The following CHMP4C variants were observed in gnomAD, a reference collection of about 807,000 sequenced individuals.
The protein encoded by CHMP4C is SNF7 homolog associated with Alix 3.
A neutral mutation model predicts 29.0 loss-of-function variants in CHMP4C; 28 were observed. The observed-to-expected ratio is 0.97, with a 90% CI of 0.72 to 1.32. CHMP4C has a LOEUF of 1.32. Ranked by LOEUF, CHMP4C falls within the 40% of genes most tolerant of loss-of-function variation. The pLI is 0.00. For missense variants in CHMP4C, 291 were observed against 281.0 expected (o/e 1.04, Z -0.25); for synonymous variants, 106 against 102.4 (o/e 1.04, Z -0.21).
intron 2 of CHMP4C, 81 bp downstream of exon 2, chr8:81,753,322 C>A: frequency 2.8e-6 from 3 of 1,084,278 alleles, no homozygotes; most frequent in Non-Finnish European, 3.8e-6. Flanking sequence ...ATGGTTTTGG[C>A]AGGAATGGGT....
chr8:81,732,816 G>T lies in CHMP4C; in HGVS notation c.190G>T (p.Ala64Ser), dbSNP rs1370485600. ...GAAGCACGGCACGCAGAATAAGCGAGGTAGGCTGGGGTCTGGCCCACAGGC... is the reference window on the plus strand; with the variant it reads ...GAAGCACGGCACGCAGAATAAGCGATGTAGGCTGGGGTCTGGCCCACAGGC... Reference protein sequence around the residue: ...AKKHGTQNKRAALQALKRKKR... With the variant: ...AKKHGTQNKRSALQALKRKKR... The change falls in exon 1 of 5, where the codon GCT becomes TCT. Residue 64 changes from alanine (A) to serine (S), a missense_variant and splice_region_variant. Physicochemically the swap from Ala to Ser is moderately conservative, Grantham distance 99. Transcript: ENST00000297265. 6.2e-7 allele frequency: 1 copy of T among 1,610,680 alleles called. No individual in the cohort carries two copies. The highest frequency in any genetic ancestry group is 1.3e-5 in the African/African-American group (1 of 75,046).
chr8:81,746,499 A>G (rs1377372269), intron 1 of CHMP4C, among the ~76,000 whole-genome samples: 1 of 152,146 alleles, frequency 6.6e-6, no homozygotes, highest in Non-Finnish European at 1.5e-5. Flanking sequence ...CCATTGCACT[A>G]GTTTTTATTT....
intron 3 of CHMP4C, 80 bp downstream of exon 3, chr8:81,755,564 C>G (rs1161380612): frequency 2.9e-6 from 2 of 696,938 alleles, no homozygotes; most frequent in Non-Finnish European, 4.9e-6. Flanking sequence ...AGGCATGTTC[C>G]CTTACTACTG....
intron 1 of CHMP4C, among the ~76,000 whole-genome samples, chr8:81,737,044 A>C (rs932127358): frequency 5.3e-5 from 8 of 152,262 alleles, no homozygotes; most frequent in African/African-American, 1.4e-4. Flanking sequence ...AGCTTGAGTT[A>C]TAATTTGGTT....
In CHMP4C at chr8:81,758,766, T is replaced by G. The variant is rs1809003678; in HGVS notation, c.*222T>G. The G allele has an allele frequency of 4.1e-6, 2 of 484,260 alleles. No homozygotes were observed. Among genetic ancestry groups the G allele is most frequent in the South Asian group, 6.0e-5 (2 of 33,226 alleles). The allele number at this position is 484,260 out of a possible 1,614,324, so 30.0% of individuals were successfully genotyped here. The stretch of plus-strand genomic sequence containing the variant: ...ATCTCATGCCTATAATCCCAGCACT[T>G]TGGGAGGCTGAGGCAGTTGAGACCA... On this transcript the variant is annotated 3_prime_UTR_variant, in exon 5 of 5. Transcript: ENST00000297265.
chr8:81,738,644 G>T (rs1358122981), intron 1 of CHMP4C, among the ~76,000 whole-genome samples: 3 of 152,174 alleles, frequency 2.0e-5, no homozygotes, highest in Non-Finnish European at 4.4e-5. Context: ...TCAGCTAGTT[G>T]AATGTCAAAC....
Position 81,737,280 on chromosome 8 carries a change from A to C in CHMP4C, c.190+4464A>C, listed in dbSNP as rs1243015352. Among the ~76,000 whole-genome samples the C allele has an allele frequency of 2.0e-5, 3 of 152,228 alleles. No homozygotes were observed. The South Asian group carries it at 6.2e-4, about 32-fold the overall frequency. On this transcript the variant is annotated intron_variant, in intron 1 of 4. Transcript: ENST00000297265. ...TAATTGACTGGAGTGGGGATCAGGC[A>C]TCTGTTTTTTTTAAAGTGCCCCCAC... is the stretch of plus-strand genomic sequence containing the variant.
At chr8:81,752,383 T>A (rs1808914225) in intron 1 of CHMP4C, among the ~76,000 whole-genome samples, 1 of 152,134 alleles carries the variant, frequency 6.6e-6, no homozygotes, top group Non-Finnish European at 1.5e-5. Flanking sequence ...GCAAGTTAGG[T>A]TATCTTGTTA....
intron 2 of CHMP4C, among the ~76,000 whole-genome samples, chr8:81,753,988 A>T (rs1808941736): frequency 6.6e-6 from 1 of 152,056 alleles, no homozygotes; most frequent in Non-Finnish European, 1.5e-5. Context: ...CTGGGACCGG[A>T]TCCTTTCCTG....
At chr8:81,750,919 C>A (rs929057977) in intron 1 of CHMP4C, among the ~76,000 whole-genome samples, 4 of 151,960 alleles carry the variant, frequency 2.6e-5, no homozygotes, top group Admixed American at 1.3e-4. Context: ...AGTTAAATTT[C>A]CTAACTCCAA....
chr8:81,757,465 G>A (rs1296667386), intron 3 of CHMP4C, among the ~76,000 whole-genome samples: 1 of 152,154 alleles, frequency 6.6e-6, no homozygotes, highest in Non-Finnish European at 1.5e-5. Context: ...AACTATCTGA[G>A]TCATCTCAGA....
chr8:81,758,250 A>G lies in CHMP4C; in HGVS notation c.592A>G (p.Asn198Asp). Reference protein sequence around the residue: ...VPSSSLPAQPNRKPGMSSTAR... With the variant: ...VPSSSLPAQPDRKPGMSSTAR... ...TTCCTCTTCTCTCCCAGCACAGCCA[A>G]ATAGAAAACCAGGCATGTCGTCCAC... Residue 198 changes from asparagine to aspartate, a missense_variant, in exon 4 of 5, where the codon AAT (asparagine) becomes GAT (aspartate). Transcript: ENST00000297265. 1.9e-6 allele frequency: 3 copies of G among 1,614,008 alleles called. No individual in the cohort carries two copies. Among genetic ancestry groups the G allele is most frequent in the Non-Finnish European group, 2.5e-6 (3 of 1,179,946 alleles).
intron 1 of CHMP4C, 157 bp downstream of exon 1, chr8:81,732,973 G>T (rs1808638151): frequency 4.8e-6 from 3 of 620,888 alleles, no homozygotes; most frequent in Non-Finnish European, 5.4e-6. Flanking sequence ...TGACTAGGGT[G>T]AGTTGAGCTA....
Position 81,732,592 on chromosome 8 carries a change from CCCCCGGGA to C in CHMP4C, c.-34_-27del. ...GCGGCCCCGGGGAGCTCCCGAGAGGCCCCCGGGATCGCTGGCCCTCCGAACTCCACAGC... is the reference window on the plus strand; with the variant it reads ...GCGGCCCCGGGGAGCTCCCGAGAGGCTCGCTGGCCCTCCGAACTCCACAGC... On this transcript the variant is annotated 5_prime_UTR_variant, in exon 1 of 5. Coordinates refer to ENST00000297265, the MANE Select transcript of CHMP4C (RefSeq NM_152284.4). 6.7e-7 allele frequency: 1 copy of C among 1,489,564 alleles called. No individual in the cohort carries two copies. The highest frequency in any genetic ancestry group is 2.3e-5 in the Admixed American group (1 of 44,246). 92.3% of individuals were successfully genotyped at this position (1,489,564 alleles called of 1,614,324 possible).
chr8:81,740,765 C>G (rs1029812210), intron 1 of CHMP4C, among the ~76,000 whole-genome samples: 2 of 152,164 alleles, frequency 1.3e-5, no homozygotes, highest in Non-Finnish European at 2.9e-5. Flanking sequence ...GAACTGATAG[C>G]GTGTTACCTT....
At position 81,736,104 on chromosome 8, in the gene CHMP4C, TAA is replaced by T. The variant is rs1174971954; in HGVS notation, c.190+3290_190+3291del. ...ATGTCTCAATAAATAAATAAATAAA[TAA>T]ATAAATAAATAAATAAATAAATAAA... On this transcript the variant is annotated intron_variant, in intron 1 of 4. Transcript: ENST00000297265. Among the ~76,000 whole-genome samples the T allele has an allele frequency of 3.7e-5, 5 of 135,570 alleles. No individual in the cohort carries two copies. In the East Asian group the frequency reaches 8.4e-4, roughly 23 times the overall value. 88.9% of individuals were successfully genotyped at this position (135,570 alleles called of 152,430 possible).
Position 81,758,530 on chromosome 8 carries a change from G to C in CHMP4C, c.688G>C (p.Ala230Pro). Reference sequence around the variant, plus strand: ...GGATGATGATATCAAACAATTGGCAGCTTGGGCTACCTAAACTAAAACACA... The same window carrying C: ...GGATGATGATATCAAACAATTGGCACCTTGGGCTACCTAAACTAAAACACA... ...EEDDDIKQLA[A>P]WAT Residue 230 changes from alanine to proline, a missense_variant, in exon 5 of 5, where the codon GCT (alanine) becomes CCT (proline). Physicochemically the swap from Ala to Pro is conservative, Grantham distance 27. Coordinates refer to ENST00000297265, the MANE Select transcript of CHMP4C (RefSeq NM_152284.4). 6.2e-7 allele frequency: 1 copy of C among 1,611,298 alleles called. No individual in the cohort carries two copies. Among genetic ancestry groups the C allele is most frequent in the Middle Eastern group, 1.7e-4 (1 of 6,036 alleles).
chr8:81,744,545 G>A (rs893340467), intron 1 of CHMP4C, among the ~76,000 whole-genome samples: 3 of 152,096 alleles, frequency 2.0e-5, no homozygotes, highest in African/African-American at 7.2e-5. Context: ...CTGCTACAGC[G>A]ATGTCTGTGA....
At position 81,758,178 on chromosome 8, in the gene CHMP4C, G is replaced by A; in HGVS notation, c.520G>A (p.Glu174Lys). 6.2e-7 allele frequency: 1 copy of A among 1,613,890 alleles called. No individual in the cohort carries two copies. Among genetic ancestry groups the A allele is most frequent in the Admixed American group, 1.7e-5 (1 of 59,958 alleles). The change falls in exon 4 of 5, where the codon GAG (glutamate) becomes AAG (lysine). Residue 174 changes from glutamate (E) to lysine (K), a missense_variant. Glu to Lys is a moderately conservative substitution (Grantham distance 56, BLOSUM62 1). Coordinates refer to ENST00000297265, the MANE Select transcript of CHMP4C (RefSeq NM_152284.4). ...LMAELEELEQEELNKKMTNIR... is the reference protein window; with the variant it reads ...LMAELEELEQKELNKKMTNIR... Reference sequence around the variant, plus strand: ...GGCAGAACTTGAAGAATTGGAACAGGAGGAATTAAATAAGAAGATGACAAA... The same window carrying A: ...GGCAGAACTTGAAGAATTGGAACAGAAGGAATTAAATAAGAAGATGACAAA...
Sources: gnomAD v4.1 joint callset for allele counts (sites outside exome capture counted in the v4.1 genomes callset) on GRCh38, gnomAD v4.1.1 for gene constraint, MANE v1.5 for transcripts, NCBI Gene and HGNC (gene_info 2026-07-23, HGNC 2026-07-21) for gene names.